CDC25A: variants seen among roughly 807,000 people sequenced by gnomAD.
CDC25A encodes the protein cell division cycle 25A.
In CDC25A, 17 loss-of-function variants were observed where a neutral mutation model predicts 64.6. That is an observed-to-expected ratio of 0.26 (90% CI 0.18 to 0.39). CDC25A has a LOEUF of 0.39. CDC25A is among the 10% of genes least tolerant of loss of function. The probability of loss-of-function intolerance (pLI) is 1.00; values close to 1 mark genes in which losing one functional copy is unlikely to be tolerated. For synonymous variants in CDC25A, 229 were observed against 238.6 expected (o/e 0.96, Z 0.37); for missense variants, 473 against 654.8 (o/e 0.72, Z 3.03).
chr3:48,185,746 T>C (rs1164878103), intron 2 of CDC25A, among the ~76,000 whole-genome samples: 1 of 152,184 alleles, frequency 6.6e-6, no homozygotes. Context: ...GGAGACACTG[T>C]TCAGCATTAC....
intron 1 of CDC25A, 69 bp downstream of exon 1, chr3:48,187,708 CT>C: frequency 7.0e-7 from 1 of 1,432,474 alleles, no homozygotes; most frequent in South Asian, 1.3e-5. Context: ...GGTCCGTTTC[CT>C]GGCCTGATCT....
Position 48,188,317 on chromosome 3 carries a change from C to A in CDC25A, c.-370G>T. 5.4e-6 allele frequency: 1 copy of A among 185,364 alleles called. No homozygotes were observed. The highest frequency in any genetic ancestry group is 1.1e-5 in the Non-Finnish European group (1 of 90,310). The allele number at this position is 185,364 out of a possible 1,614,324, so 11.5% of individuals were successfully genotyped here. ...TCACGCTGTCTTCGCTGTTCTCCCA[C>A]CCGCTTGCCCAGCTCCGGGTAGCAG... On this transcript the variant is annotated 5_prime_UTR_variant, in exon 1 of 15. Transcript: ENST00000302506.
rs3731498 is a variant in CDC25A, at chr3:48,184,938, G to T, written c.248-243C>A. Among the ~76,000 whole-genome samples the T allele has an allele frequency of 7.0e-3, 1,064 of 152,198 alleles. 19 individuals carry two copies. Among genetic ancestry groups the T allele is most frequent in the African/African-American group, 0.024 (1,005 of 41,510 alleles). On this transcript the variant is annotated intron_variant, in intron 2 of 14. Coordinates refer to ENST00000302506, the MANE Select transcript of CDC25A (RefSeq NM_001789.3). The stretch of plus-strand genomic sequence containing the variant: ...TTCTCCTATTTGCAAATAACATCAA[G>T]GGAAATAGGATTTGAGAAGAGGGTG...
rs71323386 is a variant in CDC25A at position 48,181,697 on chromosome 3, C to T, written c.430-857G>A. On this transcript the variant is annotated intron_variant, in intron 5 of 14. Transcript: ENST00000302506. Reference sequence around the variant, plus strand: ...GAGCATGTTATTTAAAAGGGTATTGCGACCCAATAAAGAAGTTACCTGGAA... The same window carrying T: ...GAGCATGTTATTTAAAAGGGTATTGTGACCCAATAAAGAAGTTACCTGGAA... 2.6e-3 allele frequency: 2,309 copies of T among 888,584 alleles called. 19 individuals are homozygous for T. Among genetic ancestry groups the T allele is most frequent in the South Asian group, 0.012 (943 of 75,758 alleles). 55.0% of individuals were successfully genotyped at this position (888,584 alleles called of 1,614,324 possible).
rs140665082 is a variant in CDC25A at position 48,176,275 on chromosome 3, A to G, written c.756+1096T>C. On this transcript the variant is annotated intron_variant, in intron 8 of 14. Transcript: ENST00000302506. ...AAAAAATATGAACTTATCAATTTAG[A>G]TGTGTACCTAAGGGTGTATATCTCT... Among the ~76,000 whole-genome samples the G allele has an allele frequency of 2.6e-5, 4 of 152,228 alleles. No individual in the cohort carries two copies. The East Asian group carries it at 7.7e-4, about 29-fold the overall frequency.
intron 1 of CDC25A, among the ~76,000 whole-genome samples, chr3:48,187,287 G>A (rs1482936405): frequency 1.3e-5 from 2 of 152,232 alleles, no homozygotes; most frequent in African/African-American, 4.8e-5. Flanking sequence ...CAGCAGAGTG[G>A]ACATCAGGAA....
intron 6 of CDC25A, among the ~76,000 whole-genome samples, chr3:48,178,795 G>C (rs1324244812): frequency 6.6e-6 from 1 of 151,972 alleles, no homozygotes; most frequent in Non-Finnish European, 1.5e-5. Context: ...CTCTAAACAT[G>C]GAATATAGAA....
chr3:48,166,090 G>C (rs1028213643), intron 10 of CDC25A, among the ~76,000 whole-genome samples, 197 bp from the exon 11 acceptor site: 2 of 152,146 alleles, frequency 1.3e-5, no homozygotes, highest in Non-Finnish European at 2.9e-5. Flanking sequence ...TTCGAGACAA[G>C]CCTGGCCAAC....
chr3:48,172,167 C>A (rs536510665), intron 9 of CDC25A, among the ~76,000 whole-genome samples: 1 of 152,104 alleles, frequency 6.6e-6, no homozygotes, highest in South Asian at 2.1e-4. Flanking sequence ...CTGTGCCCCC[C>A]ACAAACAAAA....
At chr3:48,168,200 A>AAG (rs1553768339) in intron 9 of CDC25A, among the ~76,000 whole-genome samples, 11 of 147,166 alleles carry the variant, frequency 7.5e-5, no homozygotes, top group Non-Finnish European at 1.4e-4. Context: ...AAAAAAAAAA[A>AAG]GGGGGTGCAG....
Position 48,176,519 on chromosome 3 carries a change from G to A in CDC25A, c.756+852C>T, listed in dbSNP as rs537126535. ...GGAAACACAAATCTATACTGTGTAT[G>A]TGTGTGTGTGAGTATATATATATAT... On this transcript the variant is annotated intron_variant, in intron 8 of 14. Coordinates refer to ENST00000302506, the MANE Select transcript of CDC25A (RefSeq NM_001789.3). 2.0e-3 allele frequency among the ~76,000 whole-genome samples: 188 copies of A among 93,660 alleles called. 4 individuals are homozygous for A. The South Asian group carries it at 0.07, about 35-fold the overall frequency. 61.4% of individuals were successfully genotyped at this position (93,660 alleles called of 152,430 possible).
Position 48,158,674 on chromosome 3 carries a change from C to A in CDC25A, c.*271G>T. 1 of 335,018 alleles carries A rather than the reference C, an allele frequency of 3.0e-6. No homozygotes were observed. Among genetic ancestry groups the A allele is most frequent in the South Asian group, 6.9e-5 (1 of 14,528 alleles). The allele number at this position is 335,018 out of a possible 1,614,324, so 20.8% of individuals were successfully genotyped here. A position where few individuals can be genotyped will look rare whatever the true frequency, so the allele number is the denominator to read the frequency against. On this transcript the variant is annotated 3_prime_UTR_variant, in exon 15 of 15. Transcript: ENST00000302506. Reference sequence around the variant, plus strand: ...CCCCGGCTGGTTCATCCCACTGTGGCTCAGAGCAGCTTGACACGGTGCTCA... The same window carrying A: ...CCCCGGCTGGTTCATCCCACTGTGGATCAGAGCAGCTTGACACGGTGCTCA...
intron 9 of CDC25A, 21 bp downstream of exon 9, chr3:48,174,263 A>G (rs370584276): frequency 6.3e-6 from 10 of 1,593,018 alleles, no homozygotes; most frequent in African/African-American, 1.4e-5. Context: ...GCTAGAGCAA[A>G]AAGGAACCTA....
chr3:48,175,318 A>G (rs562248290), intron 8 of CDC25A, among the ~76,000 whole-genome samples: 2 of 152,026 alleles, frequency 1.3e-5, no homozygotes, highest in Non-Finnish European at 2.9e-5. Flanking sequence ...TAAATAAATA[A>G]AGACAAATTT....
At chr3:48,176,533 A>G (rs1251235020) in intron 8 of CDC25A, among the ~76,000 whole-genome samples, 1 of 13,740 alleles carries the variant, frequency 7.3e-5, no homozygotes, top group Admixed American at 6.3e-4. Flanking sequence ...GTGTGTGAGT[A>G]TATATATATA....
intron 4 of CDC25A, 61 bp from the exon 5 acceptor site, chr3:48,183,091 AGTTCTC>A: frequency 8.4e-7 from 1 of 1,194,952 alleles, no homozygotes. Context: ...TGGAAAATTC[AGTTCTC>A]AAAAGAAAAA....
rs1215305354 is a variant in CDC25A at position 48,187,900 on chromosome 3, G to A, written c.48C>T (p.Ala16=). 4 of 1,543,296 alleles carry A rather than the reference G, an allele frequency of 2.6e-6. No individual in the cohort carries two copies. Among genetic ancestry groups the A allele is most frequent in the Non-Finnish European group, 3.5e-6 (4 of 1,144,850 alleles). ...EPPHRRRLLF[A]CSPPPASQPV... ...GCTGCGACGCGGGAGGGGGGCTGCA[G>A]GCGAAGAGCAGGCGGCGGCGGTGCG... is the stretch of plus-strand genomic sequence containing the variant. Residue 16 remains alanine, a synonymous_variant, in exon 1 of 15, where the codon GCC becomes GCT. Transcript: ENST00000302506.
chr3:48,171,922 G>T (rs1161905788), intron 9 of CDC25A, among the ~76,000 whole-genome samples: 1 of 152,226 alleles, frequency 6.6e-6, no homozygotes, highest in African/African-American at 2.4e-5. Flanking sequence ...TTTGGAGGCT[G>T]AGGTGGGAGG....
chr3:48,181,461 AGCAGTAATG>A, intron 5 of CDC25A: 4 of 679,572 alleles, frequency 5.9e-6, no homozygotes, highest in Non-Finnish European at 1.1e-5. Context: ...AAGTATTAAA[AGCAGTAATG>A]GCTAGCACTG....
Sources: gnomAD v4.1 joint callset for allele counts (sites outside exome capture counted in the v4.1 genomes callset) on GRCh38, gnomAD v4.1.1 for gene constraint, MANE v1.5 for transcripts, NCBI Gene and HGNC (gene_info 2026-07-23, HGNC 2026-07-21) for gene names.